Variants in XKR6 observed in about 807,000 individuals in gnomAD.
The protein encoded by XKR6 is XK-related protein 6.
In XKR6, 22 loss-of-function variants were observed where a neutral mutation model predicts 56.7. The ratio of observed to expected loss-of-function variants is 0.39; its 90% confidence interval spans 0.28 to 0.55. The LOEUF is 0.55. Ranked by LOEUF, XKR6 falls within the 20% of genes least tolerant of loss-of-function variation. XKR6 has a pLI of 0.66. For missense variants in XKR6, 852 were observed against 889.0 expected (o/e 0.96, Z 0.53); for synonymous variants, 524 against 387.8 (o/e 1.35, Z -4.13).
At chr8:10,971,512 A>G (rs573777824) in intron 1 of XKR6, among the ~76,000 whole-genome samples, 153 of 152,290 alleles carry the variant, frequency 1.0e-3, no homozygotes, top group African/African-American at 3.5e-3. Context: ...GGAGTTGAGT[A>G]GGGATCAATA....
intron 1 of XKR6, among the ~76,000 whole-genome samples, chr8:10,982,441 A>T (rs188129118): frequency 6.6e-6 from 1 of 152,218 alleles, no homozygotes; most frequent in Non-Finnish European, 1.5e-5. Context: ...AGAAAGCACA[A>T]TGCTCTTTAA....
chr8:11,171,824 G>A lies in XKR6; in HGVS notation c.764+28752C>T, dbSNP rs145057352. 3.6e-3 allele frequency among the ~76,000 whole-genome samples: 542 copies of A among 150,908 alleles called. 3 individuals are homozygous for A. Among genetic ancestry groups the A allele is most frequent in the African/African-American group, 0.013 (515 of 41,078 alleles). On this transcript the variant is annotated intron_variant, in intron 1 of 2. Transcript: ENST00000416569. ...TCCCAGCACTTTGGGAGGCTGAGGT[G>A]GGCTGACCATGTGAGGTCAGGAGTT...
rs1804148501 is a variant in XKR6 at position 11,200,473 on chromosome 8, G to GC, written c.764+102dup. The stretch of plus-strand genomic sequence containing the variant: ...GGCGCGCGGCCGGTCCCTCCTTCGA[G>GC]CCCCCCGCGCTGGGCCCTTTCGAGG... On this transcript the variant is annotated intron_variant, in intron 1 of 2. Coordinates refer to ENST00000416569, the MANE Select transcript of XKR6 (RefSeq NM_173683.4). This position sits in a 1 kb window ranked among gnomAD's most constrained non-coding sequence, Gnocchi z 6.4. The GC allele has an allele frequency of 3.8e-6, 5 of 1,303,842 alleles. No individual in the cohort carries two copies. The highest frequency in any genetic ancestry group is 4.9e-6 in the Non-Finnish European group (5 of 1,023,642). 80.8% of individuals were successfully genotyped at this position (1,303,842 alleles called of 1,614,324 possible). A position where few individuals can be genotyped will look rare whatever the true frequency, so the allele number is the denominator to read the frequency against.
intron 1 of XKR6, among the ~76,000 whole-genome samples, chr8:11,027,031 A>G (rs982549694): frequency 1.3e-5 from 2 of 152,292 alleles, no homozygotes; most frequent in African/African-American, 4.8e-5. Flanking sequence ...GTTGCCTACT[A>G]CACACCTAAA....
chr8:10,979,462 A>C (rs768111545), intron 1 of XKR6, among the ~76,000 whole-genome samples: 18 of 151,986 alleles, frequency 1.2e-4, no homozygotes, highest in Non-Finnish European at 2.1e-4. Flanking sequence ...GGGATAAGGC[A>C]GCAGGACCTC....
At chr8:10,951,307 G>C (rs946857118) in intron 1 of XKR6, among the ~76,000 whole-genome samples, 81 of 147,428 alleles carry the variant, frequency 5.5e-4, no homozygotes, top group African/African-American at 2.0e-3. Flanking sequence ...GTGGGGGGGG[G>C]GGGCCCCCAC....
intron 1 of XKR6, among the ~76,000 whole-genome samples, chr8:11,039,189 A>C (rs1799222051): frequency 6.6e-6 from 1 of 152,206 alleles, no homozygotes; most frequent in Non-Finnish European, 1.5e-5. Context: ...TGCAAAGCGA[A>C]GGGGAGGCCA....
chr8:11,108,367 A>C, intron 1 of XKR6: 1 of 456,106 alleles, frequency 2.2e-6, no homozygotes, highest in Non-Finnish European at 4.4e-6. Flanking sequence ...TGAAGTACAC[A>C]TGTTACGCTG....
At chr8:11,136,122 T>C (rs1278636523) in intron 1 of XKR6, among the ~76,000 whole-genome samples, 1 of 152,250 alleles carries the variant, frequency 6.6e-6, no homozygotes, top group Admixed American at 6.5e-5. Context: ...CGGAAGTATC[T>C]GCGAGGCAAT....
At chr8:10,988,087 C>T (rs1422058631) in intron 1 of XKR6, among the ~76,000 whole-genome samples, 1 of 152,254 alleles carries the variant, frequency 6.6e-6, no homozygotes, top group African/African-American at 2.4e-5. Flanking sequence ...GGGCCATCCC[C>T]TCTAAAGTTT....
chr8:10,967,172 G>C (rs1802251873), intron 1 of XKR6, among the ~76,000 whole-genome samples: 1 of 152,212 alleles, frequency 6.6e-6, no homozygotes, highest in African/African-American at 2.4e-5. Flanking sequence ...CTCACTGGCA[G>C]TGCAATCTAT....
intron 1 of XKR6, among the ~76,000 whole-genome samples, chr8:11,189,347 C>G (rs1026545450): frequency 5.9e-5 from 9 of 152,176 alleles, no homozygotes; most frequent in African/African-American, 2.2e-4. Flanking sequence ...AAGAAAGAAG[C>G]TTTTGGATCA....
At chr8:11,042,747 G>A (rs1353471376) in intron 1 of XKR6, among the ~76,000 whole-genome samples, 1 of 152,220 alleles carries the variant, frequency 6.6e-6, no homozygotes, top group African/African-American at 2.4e-5. Context: ...AGATTTTGGA[G>A]CATTTGGATT....
At chr8:11,135,441 C>G (rs10109542) in intron 1 of XKR6, among the ~76,000 whole-genome samples, 4 of 152,066 alleles carry the variant, frequency 2.6e-5, no homozygotes, top group African/African-American at 9.7e-5. Flanking sequence ...TCATGATTTA[C>G]TTACAGTTTA....
At chr8:11,139,307 C>G (rs1800563399) in intron 1 of XKR6, among the ~76,000 whole-genome samples, 1 of 152,134 alleles carries the variant, frequency 6.6e-6, no homozygotes, top group African/African-American at 2.4e-5. Flanking sequence ...TCTTACGTAA[C>G]TCAAAGAATC....
chr8:11,031,376 C>T (rs541134592), intron 1 of XKR6, among the ~76,000 whole-genome samples: 100 of 152,330 alleles, frequency 6.6e-4, no homozygotes, highest in African/African-American at 2.3e-3. Context: ...AGTGGGTTCT[C>T]TTCAACTAGA....
At chr8:10,945,984 A>G (rs2129125423) in intron 1 of XKR6, among the ~76,000 whole-genome samples, 1 of 152,178 alleles carries the variant, frequency 6.6e-6, no homozygotes, top group East Asian at 1.9e-4. Flanking sequence ...GCCCCCACGC[A>G]GTCTTTCCAA....
At chr8:10,996,724 A>G (rs1798121626) in intron 1 of XKR6, among the ~76,000 whole-genome samples, 1 of 152,144 alleles carries the variant, frequency 6.6e-6, no homozygotes, top group South Asian at 2.1e-4. Context: ...CTAACAAGAA[A>G]AGTCTGGGCT....
At chr8:11,094,591 C>A (rs933573336) in intron 1 of XKR6, among the ~76,000 whole-genome samples, 8 of 152,124 alleles carry the variant, frequency 5.3e-5, no homozygotes, top group African/African-American at 1.4e-4. Context: ...CTCTGTCTCC[C>A]AAATACCCCA....
Sources: gnomAD v4.1 joint callset for allele counts (sites outside exome capture counted in the v4.1 genomes callset) on GRCh38, gnomAD v4.1.1 for gene constraint, Gnocchi (gnomAD v3.1) non-coding constraint, MANE v1.5 for transcripts, NCBI Gene and HGNC (gene_info 2026-07-23, HGNC 2026-07-21) for gene names.